The following SDR42E2 variants were observed in gnomAD, a reference collection of about 807,000 sequenced individuals.
The protein encoded by SDR42E2 is putative short-chain dehydrogenase/reductase family 42E member 2.
In SDR42E2, 20 loss-of-function variants were observed where a neutral mutation model predicts 10.5. The ratio of observed to expected loss-of-function variants is 1.90; its 90% CI spans 1.34 to 2.77. SDR42E2 has a LOEUF of 2.77. Among genes scored for constraint, SDR42E2 ranks in the 30% most tolerant of loss-of-function variants. SDR42E2 has a pLI of 0.00. For synonymous variants in SDR42E2, 72 were observed against 39.2 expected (o/e 1.84, Z -3.12); for missense variants, 162 against 104.2 (o/e 1.55, Z -2.42).
At chr16:22,186,534 C>T (rs951568482) in intron 11 of SDR42E2, among the ~76,000 whole-genome samples, 187 bp from the exon 12 acceptor site, 1 of 152,200 alleles carries the variant, frequency 6.6e-6, no homozygotes, top group African/African-American at 2.4e-5. Context: ...AAACAAGTTA[C>T]TTGTGACATA....
intron 1 of SDR42E2, among the ~76,000 whole-genome samples, chr16:22,165,169 C>T (rs566336206): frequency 6.6e-6 from 1 of 152,302 alleles, no homozygotes; most frequent in South Asian, 2.1e-4. Context: ...CTCACTGCAA[C>T]CTCCGCCTTC....
At chr16:22,182,835 C>T (rs1477021821) in intron 10 of SDR42E2, among the ~76,000 whole-genome samples, 4 of 151,996 alleles carry the variant, frequency 2.6e-5, no homozygotes, top group Non-Finnish European at 4.4e-5. Flanking sequence ...ACCCCTGTCT[C>T]TGCAAAAATA....
chr16:22,189,948 A>G (rs1040759388), intron 12 of SDR42E2, among the ~76,000 whole-genome samples, 191 bp from the exon 13 acceptor site: 1 of 152,196 alleles, frequency 6.6e-6, no homozygotes, highest in South Asian at 2.1e-4. Context: ...AAAAATGAAC[A>G]TGTAAGGAAG....
intron 7 of SDR42E2, 40 bp from the exon 8 acceptor site, chr16:22,178,090 C>T: frequency 1.4e-6 from 1 of 697,008 alleles, no homozygotes; most frequent in Non-Finnish European, 2.6e-6. Context: ...CTGTGGGCTG[C>T]TCCTCCCCTG....
At chr16:22,174,754 C>T (rs2046630639) in intron 7 of SDR42E2, among the ~76,000 whole-genome samples, 1 of 152,120 alleles carries the variant, frequency 6.6e-6, no homozygotes, top group Non-Finnish European at 1.5e-5. Context: ...TGAGCATCTG[C>T]AGCTTTCCAT....
chr16:22,162,581 C>T lies in SDR42E2; in HGVS notation c.-37+17C>T, dbSNP rs1474918060. Among the ~76,000 whole-genome samples, 1 of 152,160 alleles carries T rather than the reference C, an allele frequency of 6.6e-6. No individual in the cohort carries two copies. Among genetic ancestry groups the T allele is most frequent in the Non-Finnish European group, 1.5e-5 (1 of 68,000 alleles). On this transcript the variant is annotated intron_variant, in intron 1 of 12. Coordinates refer to ENST00000602312, the MANE Select transcript of SDR42E2 (RefSeq NM_001394319.2). ...CCGGGCCAGGTGAGCGAAGCCCGGACGCGGGCCAGGGAGGGACGCAGGTGC... is the reference window on the plus strand; with the variant it reads ...CCGGGCCAGGTGAGCGAAGCCCGGATGCGGGCCAGGGAGGGACGCAGGTGC...
chr16:22,171,466 T>C (rs1329085800), intron 6 of SDR42E2, among the ~76,000 whole-genome samples: 1 of 152,032 alleles, frequency 6.6e-6, no homozygotes, highest in Admixed American at 6.6e-5. Context: ...TCTCCATCTC[T>C]TGACCTCGTG....
intron 1 of SDR42E2, among the ~76,000 whole-genome samples, chr16:22,163,204 A>G (rs1019919128): frequency 1.3e-5 from 2 of 152,152 alleles, no homozygotes; most frequent in African/African-American, 4.8e-5. Context: ...ACACCCCAAT[A>G]AGTGAGTATC....
chr16:22,169,773 G>A (rs1290908041), intron 5 of SDR42E2, among the ~76,000 whole-genome samples: 1 of 152,234 alleles, frequency 6.6e-6, no homozygotes, highest in African/African-American at 2.4e-5. Context: ...GCTCATGCCT[G>A]TAATCCCAGC....
chr16:22,171,427 GAC>G (rs1215271127), intron 6 of SDR42E2, among the ~76,000 whole-genome samples: 2 of 150,844 alleles, frequency 1.3e-5, no homozygotes, highest in Non-Finnish European at 3.0e-5. Context: ...TTTTAGTAGA[GAC>G]AGGGTTTACC....
chr16:22,189,110 C>T (rs1250326819), intron 12 of SDR42E2, among the ~76,000 whole-genome samples: 3 of 152,122 alleles, frequency 2.0e-5, no homozygotes, highest in African/African-American at 4.8e-5. Flanking sequence ...AACTCAACTC[C>T]TGTGCTCCCC....
intron 10 of SDR42E2, among the ~76,000 whole-genome samples, chr16:22,183,599 C>CAGG (rs2046713873): frequency 6.6e-6 from 1 of 152,212 alleles, no homozygotes; most frequent in African/African-American, 2.4e-5. Context: ...CTAAAGGACA[C>CAGG]AGGTTTCCTC....
intron 12 of SDR42E2, among the ~76,000 whole-genome samples, chr16:22,188,350 C>T (rs2046749600): frequency 6.6e-6 from 1 of 152,154 alleles, no homozygotes; most frequent in Non-Finnish European, 1.5e-5. Flanking sequence ...ATGGCTTCTC[C>T]TTTGAGCCAT....
chr16:22,169,007 C>T (rs563917639), intron 4 of SDR42E2, among the ~76,000 whole-genome samples: 1 of 152,152 alleles, frequency 6.6e-6, no homozygotes, highest in Admixed American at 6.6e-5. Context: ...TCACAGCGGC[C>T]TAATTTTTGT....
At chr16:22,172,649 C>A (rs1221414968) in intron 7 of SDR42E2, among the ~76,000 whole-genome samples, 2 of 152,114 alleles carry the variant, frequency 1.3e-5, no homozygotes, top group Non-Finnish European at 2.9e-5. Context: ...GTTTTAGGGG[C>A]CCTCTTTAGA....
In SDR42E2 at chr16:22,190,561, G is replaced by T; in HGVS notation, c.*168G>T. Reference sequence around the variant, plus strand: ...CGAGCCGCTCTCCAGACCTAGCCCGGACCGCCGACTTCTGGCCACGCCCCT... The same window carrying T: ...CGAGCCGCTCTCCAGACCTAGCCCGTACCGCCGACTTCTGGCCACGCCCCT... On this transcript the variant is annotated 3_prime_UTR_variant, in exon 13 of 13. Coordinates refer to ENST00000602312, the MANE Select transcript of SDR42E2 (RefSeq NM_001394319.2). The T allele has an allele frequency of 1.0e-5, 4 of 398,416 alleles. No individual in the cohort carries two copies. The allele number at this position is 398,416 out of a possible 1,614,324, so 24.7% of individuals were successfully genotyped here. A position where few individuals can be genotyped will look rare whatever the true frequency, so the allele number is the denominator to read the frequency against.
At chr16:22,179,712 C>T (rs1047783889) in intron 8 of SDR42E2, among the ~76,000 whole-genome samples, 2 of 150,792 alleles carry the variant, frequency 1.3e-5, no homozygotes, top group Non-Finnish European at 2.9e-5. Flanking sequence ...ACGCAGGAGG[C>T]TGAGGCAGGA....
intron 12 of SDR42E2, among the ~76,000 whole-genome samples, chr16:22,189,405 C>A (rs1345971298): frequency 1.3e-5 from 2 of 152,152 alleles, no homozygotes; most frequent in Non-Finnish European, 2.9e-5. Flanking sequence ...ACCTCTCTGA[C>A]CTTTTTCCAA....
At chr16:22,184,349 C>T (rs911572474) in intron 11 of SDR42E2, 105 bp downstream of exon 11, 2 of 388,310 alleles carry the variant, frequency 5.2e-6, no homozygotes, top group Non-Finnish European at 9.1e-6. Context: ...CGCCTGTAAT[C>T]CTAGCACTTT....
Sources: allele counts gnomAD v4.1 joint callset (sites outside exome capture counted in the v4.1 genomes callset), GRCh38; gene constraint gnomAD v4.1.1; transcripts MANE v1.5; gene names NCBI Gene and HGNC (gene_info 2026-07-23, HGNC 2026-07-21).